The following NACC2 variants were observed in gnomAD, a reference collection of about 807,000 sequenced individuals.
NACC2 encodes NACC family member 2.
Under a neutral mutation model 25.1 loss-of-function variants are expected in NACC2, and 8 were observed. The observed-to-expected ratio is 0.32, with a 90% confidence interval of 0.19 to 0.57. The LOEUF (loss-of-function observed/expected upper bound fraction) is 0.57. Among genes scored for constraint, NACC2 ranks in the 20% least tolerant of loss-of-function variants. The pLI is 0.89. For synonymous variants in NACC2, 435 were observed against 294.7 expected (o/e 1.48, Z -4.88); for missense variants, 644 against 650.2 (o/e 0.99, Z 0.10).
intron 1 of NACC2, among the ~76,000 whole-genome samples, chr9:136,050,954 T>C (rs944121194): frequency 4.7e-4 from 72 of 152,068 alleles, no homozygotes; most frequent in Non-Finnish European, 7.9e-4. Flanking sequence ...TGGGCAAACC[T>C]GCAGCCACTC....
intron 1 of NACC2, among the ~76,000 whole-genome samples, chr9:136,067,767 G>A (rs184244984): frequency 3.9e-4 from 60 of 152,286 alleles, no homozygotes; most frequent in Admixed American, 2.0e-4. Flanking sequence ...CCCGGGAGGC[G>A]GAGGTTGCGG....
chr9:136,083,312 T>C (rs1830342964), intron 1 of NACC2, among the ~76,000 whole-genome samples: 1 of 152,098 alleles, frequency 6.6e-6, no homozygotes, highest in Admixed American at 6.5e-5. Context: ...GGTCATCTCC[T>C]TGCTCAGGGA....
At chr9:136,034,310 A>G (rs1431983181) in intron 2 of NACC2, among the ~76,000 whole-genome samples, 1 of 152,188 alleles carries the variant, frequency 6.6e-6, no homozygotes, top group Non-Finnish European at 1.5e-5. Flanking sequence ...TACAGATCTG[A>G]AAGTCTTTAA....
intron 1 of NACC2, among the ~76,000 whole-genome samples, chr9:136,061,848 G>A (rs1016933575): frequency 2.0e-5 from 3 of 152,104 alleles, no homozygotes; most frequent in Admixed American, 6.5e-5. Context: ...GGCCGGGCGC[G>A]GTGGCTCACA....
At position 136,007,156 on chromosome 9, in the gene NACC2, G is replaced by A. The variant is rs1317202637; in HGVS notation, c.*4360C>T. ...TGACATAAAAATCACAATCGTGTAC[G>A]ATGCTAACAATGGAAGCGACTGATC... On this transcript the variant is annotated 3_prime_UTR_variant, in exon 6 of 6. Transcript: ENST00000277554. 1.3e-5 allele frequency: 2 copies of A among 154,354 alleles called. No individual in the cohort carries two copies. Among genetic ancestry groups the A allele is most frequent in the Non-Finnish European group, 1.5e-5 (1 of 68,200 alleles). 9.6% of individuals were successfully genotyped at this position (154,354 alleles called of 1,614,324 possible).
At chr9:136,053,080 GC>G (rs1331151130) in intron 1 of NACC2, among the ~76,000 whole-genome samples, 3 of 152,358 alleles carry the variant, frequency 2.0e-5, no homozygotes, top group South Asian at 2.1e-4. Flanking sequence ...CTCCTGCTTG[GC>G]CAGCTGCCTC....
intron 5 of NACC2, among the ~76,000 whole-genome samples, chr9:136,012,334 C>A (rs567453476): frequency 2.2e-4 from 34 of 152,376 alleles, no homozygotes; most frequent in African/African-American, 7.7e-4. Context: ...GTAGCCCCAA[C>A]GGCTAACGGG....
intron 1 of NACC2, among the ~76,000 whole-genome samples, chr9:136,093,494 G>C (rs990773374): frequency 2.6e-5 from 4 of 152,146 alleles, no homozygotes; most frequent in African/African-American, 4.8e-5. Flanking sequence ...CCGCCTTCCC[G>C]CCAGGCCAGG....
rs978595701 is a variant in NACC2, at chr9:136,049,578, T to C, written c.886+58A>G. 155 of 729,566 alleles carry C rather than the reference T, an allele frequency of 2.1e-4. 1 individual carries two copies. The East Asian group carries it at 3.7e-3, about 17-fold the overall frequency. The allele number at this position is 729,566 out of a possible 1,614,324, so 45.2% of individuals were successfully genotyped here. A position where few individuals can be genotyped will look rare whatever the true frequency, so the allele number is the denominator to read the frequency against. ...CCAGTGGCCTCCTGAGCCACCCGGG[T>C]CCCAGGCAGGCCCCGCTTCCCAGCC... On this transcript the variant is annotated intron_variant, in intron 2 of 5. Coordinates refer to ENST00000277554, the MANE Select transcript of NACC2 (RefSeq NM_144653.5).
rs1304473546 is a variant in NACC2 at position 136,049,968 on chromosome 9, G to A, written c.554C>T (p.Pro185Leu). 2 of 630,142 alleles carry A rather than the reference G, an allele frequency of 3.2e-6. No homozygotes were observed. The highest frequency in any genetic ancestry group is 2.8e-6 in the Non-Finnish European group (1 of 353,022). The allele number at this position is 630,142 out of a possible 1,614,324, so 39.0% of individuals were successfully genotyped here. ...CAGCGGGCGCTTGGGGGCCAGGCCTGGGCCGGCCGGCGGCAGCTCCATGGC... is the reference window on the plus strand; with the variant it reads ...CAGCGGGCGCTTGGGGGCCAGGCCTAGGCCGGCCGGCGGCAGCTCCATGGC... The part of the protein sequence containing the change: ...HEAMELPPAG[P>L]GLAPKRPLET... The change falls in exon 2 of 6, where the codon CCA becomes CTA. Residue 185 changes from proline to leucine, a missense_variant. Transcript: ENST00000277554.
chr9:136,086,740 C>T lies in NACC2; in HGVS notation c.-60+8449G>A, dbSNP rs1830382548. ...AGTGGCCCCGTTTCCCTCCCACGAC[C>T]CCCGCTCAGCTTGGGCCTGGAGCTG... On this transcript the variant is annotated intron_variant, in intron 1 of 5. Coordinates refer to ENST00000277554, the MANE Select transcript of NACC2 (RefSeq NM_144653.5). The surrounding 1 kb of genome is among the most constrained non-coding windows in gnomAD (Gnocchi z 5.6). Among the ~76,000 whole-genome samples, 1 of 152,204 alleles carries T rather than the reference C, an allele frequency of 6.6e-6. No homozygotes were observed. The highest frequency in any genetic ancestry group is 1.5e-5 in the Non-Finnish European group (1 of 68,034).
chr9:136,089,486 A>C (rs55929946), intron 1 of NACC2, among the ~76,000 whole-genome samples: 2 of 151,966 alleles, frequency 1.3e-5, no homozygotes, highest in East Asian at 1.9e-4. Context: ...GTCACCCCCC[A>C]CAACCCCACC....
chr9:136,018,153 C>T lies in NACC2; in HGVS notation c.887-1724G>A, dbSNP rs1840230861. ...CACCTGCGGCCGCACCGCACCAGGACGCTCAGAGGCAGGTGCACCTGGCCA... is the reference window on the plus strand; with the variant it reads ...CACCTGCGGCCGCACCGCACCAGGATGCTCAGAGGCAGGTGCACCTGGCCA... On this transcript the variant is annotated intron_variant, in intron 2 of 5. Coordinates refer to ENST00000277554, the MANE Select transcript of NACC2 (RefSeq NM_144653.5). The surrounding 1 kb of genome is among the most constrained non-coding windows in gnomAD (Gnocchi z 4.4). Among the ~76,000 whole-genome samples, 2 of 152,190 alleles carry T rather than the reference C, an allele frequency of 1.3e-5. No homozygotes were observed. The highest frequency in any genetic ancestry group is 2.4e-5 in the African/African-American group (1 of 41,456).
At chr9:136,028,573 T>C (rs1840430569) in intron 2 of NACC2, among the ~76,000 whole-genome samples, 1 of 151,984 alleles carries the variant, frequency 6.6e-6, no homozygotes, top group Non-Finnish European at 1.5e-5. Flanking sequence ...CCAGCTGTAG[T>C]GGGTGAGGCG....
chr9:136,059,063 G>A (rs1248345446), intron 1 of NACC2, among the ~76,000 whole-genome samples: 1 of 152,228 alleles, frequency 6.6e-6, no homozygotes, highest in Non-Finnish European at 1.5e-5. Context: ...CAGGGGAGAA[G>A]CGTGATCTGG....
chr9:136,011,612 T>C lies in NACC2; in HGVS notation c.1668A>G (p.Pro556=). ...EPLPADGQSP[P]QPFEQGGGGP... ...CGCCCCCGCCCTGCTCAAAGGGCTG[T>C]GGGGGGCTCTGGCCATCGGCGGGCA... Residue 556 remains proline, a synonymous_variant, in exon 6 of 6, where the codon CCA becomes CCG. Transcript: ENST00000277554. The C allele has an allele frequency of 2.8e-6, 4 of 1,429,702 alleles. No homozygotes were observed. Among genetic ancestry groups the C allele is most frequent in the Non-Finnish European group, 3.6e-6 (4 of 1,099,144 alleles). The allele number at this position is 1,429,702 out of a possible 1,614,324, so 88.6% of individuals were successfully genotyped here. A position where few individuals can be genotyped will look rare whatever the true frequency, so the allele number is the denominator to read the frequency against.
Position 136,086,342 on chromosome 9 carries a change from C to A in NACC2, c.-60+8847G>T, listed in dbSNP as rs778192077. Among the ~76,000 whole-genome samples the A allele has an allele frequency of 6.6e-6, 1 of 152,170 alleles. No homozygotes were observed. Among genetic ancestry groups the A allele is most frequent in the Non-Finnish European group, 1.5e-5 (1 of 68,030 alleles). Reference sequence around the variant, plus strand: ...AGGGGTTTGGGGGGTGGGGGTGCCTCTGTTTTCCTGCATCATCAGGAGCCT... The same window carrying A: ...AGGGGTTTGGGGGGTGGGGGTGCCTATGTTTTCCTGCATCATCAGGAGCCT... On this transcript the variant is annotated intron_variant, in intron 1 of 5. Transcript: ENST00000277554. This position sits in a 1 kb window ranked among gnomAD's most constrained non-coding sequence, Gnocchi z 5.6.
intron 2 of NACC2, among the ~76,000 whole-genome samples, chr9:136,034,350 A>G (rs2131149921): frequency 6.6e-6 from 1 of 152,306 alleles, no homozygotes; most frequent in South Asian, 2.1e-4. Context: ...CCGAATCTTG[A>G]CTATTAGGAA....
rs1346542071 is a variant in NACC2, at chr9:136,053,504, C to T, written c.-59-2924G>A. Among the ~76,000 whole-genome samples the T allele has an allele frequency of 2.0e-5, 3 of 152,316 alleles. No individual in the cohort carries two copies. In the East Asian group the frequency reaches 5.8e-4, roughly 29 times the overall value. ...CAGGGCCCAGCTGTCACCCTCCCCG[C>T]CACACCCTCCACCCTCAGGTCCCCA... On this transcript the variant is annotated intron_variant, in intron 1 of 5. Transcript: ENST00000277554.
Sources: allele counts gnomAD v4.1 joint callset (sites outside exome capture counted in the v4.1 genomes callset), GRCh38; gene constraint gnomAD v4.1.1; non-coding constraint Gnocchi (gnomAD v3.1); transcripts MANE v1.5; gene names NCBI Gene and HGNC (gene_info 2026-07-23, HGNC 2026-07-21).